EFCAB13: variants seen among roughly 807,000 people sequenced by gnomAD.
EFCAB13 encodes EF-hand calcium binding domain 13, also known as EF-hand calcium-binding domain-containing protein 13.
In EFCAB13, 91 loss-of-function variants were observed where a neutral mutation model predicts 110.2. That is an observed-to-expected ratio of 0.83 (90% CI 0.70 to 0.98). The LOEUF (loss-of-function observed/expected upper bound fraction) is 0.98. Among genes scored for constraint, EFCAB13 ranks in the 50% least tolerant of loss-of-function variants. The pLI is 0.00. For synonymous variants in EFCAB13, 323 were observed against 369.9 expected, an observed-to-expected ratio of 0.87 and a Z score of 1.45; for missense variants, 968 against 1,119.4, an observed-to-expected ratio of 0.86 and a Z score of 1.93.
chr17:47,412,296 T>C (rs2065840307), intron 21 of EFCAB13, among the ~76,000 whole-genome samples: 1 of 152,240 alleles, frequency 6.6e-6, no homozygotes, highest in Non-Finnish European at 1.5e-5. Flanking sequence ...CTGTGCTGGA[T>C]TGCAGTTGCC....
chr17:47,354,936 G>GT (rs1456957954), intron 9 of EFCAB13, among the ~76,000 whole-genome samples: 1 of 152,022 alleles, frequency 6.6e-6, no homozygotes, highest in Non-Finnish European at 1.5e-5. Context: ...AATATCTTGT[G>GT]TTTTTTTCTT....
In EFCAB13 at chr17:47,412,917, G is replaced by A. The variant is rs777877449; in HGVS notation, c.2422+1G>A. 26 of 1,603,104 alleles carry A rather than the reference G, an allele frequency of 1.6e-5. No homozygotes were observed. The African/African-American group carries it at 3.1e-4, about 19-fold the overall frequency. On this transcript the variant is annotated splice_donor_variant, in intron 22 of 24. Transcript: ENST00000331493. LOFTEE classifies it high-confidence loss of function. ...GCCCTTAACTGTTGTAACGTCAGTG[G>A]TGAGCATTTTTTTGGCCTGAGATTC...
chr17:47,354,098 A>G (rs1333003647), intron 9 of EFCAB13, among the ~76,000 whole-genome samples: 6 of 152,166 alleles, frequency 3.9e-5, no homozygotes, highest in African/African-American at 1.4e-4. Flanking sequence ...TTCAGTTCAA[A>G]GATTTTTTAA....
chr17:47,402,789 A>G (rs893278594), intron 18 of EFCAB13, among the ~76,000 whole-genome samples: 2 of 152,258 alleles, frequency 1.3e-5, no homozygotes, highest in Non-Finnish European at 1.5e-5. Flanking sequence ...ATCAGACAGT[A>G]ATCAATACTG....
At position 47,347,372 on chromosome 17, in the gene EFCAB13, CA is replaced by C. The variant is rs2065423352; in HGVS notation, c.518-435del. 3.9e-5 allele frequency among the ~76,000 whole-genome samples: 6 copies of C among 152,234 alleles called. No individual in the cohort carries two copies. In the South Asian group the frequency reaches 1.2e-3, roughly 32 times the overall value. Reference sequence around the variant, plus strand: ...GAACCAAAAAATTCAGTTCAATAGACATTTTTTTGAGAATTTCTTAATTAGG... The same window carrying C: ...GAACCAAAAAATTCAGTTCAATAGACTTTTTTTGAGAATTTCTTAATTAGG... On this transcript the variant is annotated intron_variant, in intron 8 of 24. Coordinates refer to ENST00000331493, the MANE Select transcript of EFCAB13 (RefSeq NM_152347.5).
At position 47,423,597 on chromosome 17, in the gene EFCAB13, G is replaced by C. The variant is rs1055340852; in HGVS notation, c.2495-6221G>C. ...CCTTTGTGCCCGGTCCTGGGAACCC[G>C]CGACGGCCGCCGCGCGCCCCGGTCC... On this transcript the variant is annotated intron_variant, in intron 23 of 24. Coordinates refer to ENST00000331493, the MANE Select transcript of EFCAB13 (RefSeq NM_152347.5). 1.4e-4 allele frequency: 49 copies of C among 340,970 alleles called. No homozygotes were observed. The East Asian group carries it at 2.1e-3, about 15-fold the overall frequency. 21.1% of individuals were successfully genotyped at this position (340,970 alleles called of 1,614,324 possible). A position where few individuals can be genotyped will look rare whatever the true frequency, so the allele number is the denominator to read the frequency against.
Position 47,379,298 on chromosome 17 carries a change from T to G in EFCAB13, c.1582+45T>G, listed in dbSNP as rs553297583. The G allele has an allele frequency of 4.7e-6, 7 of 1,476,678 alleles. 1 individual carries two copies. In the South Asian group the frequency reaches 7.9e-5, roughly 17 times the overall value. The allele number at this position is 1,476,678 out of a possible 1,614,324, so 91.5% of individuals were successfully genotyped here. A position where few individuals can be genotyped will look rare whatever the true frequency, so the allele number is the denominator to read the frequency against. ...TAAAATGATTTAGAGGGAAGAGCAG[T>G]GTGTTGAGAAGAATTAGGTTCAACA... is the stretch of plus-strand genomic sequence containing the variant. On this transcript the variant is annotated intron_variant, in intron 14 of 24. Coordinates refer to ENST00000331493, the MANE Select transcript of EFCAB13 (RefSeq NM_152347.5).
chr17:47,340,216 T>C (rs1835363522), intron 5 of EFCAB13: 1 of 152,110 alleles, frequency 6.6e-6, no homozygotes, highest in African/African-American at 2.4e-5. Context: ...TTACCTTTCT[T>C]TCTTTCTTGT....
At chr17:47,395,787 C>G (rs2065733879) in intron 16 of EFCAB13, 47 bp from the exon 17 acceptor site, 1 of 1,534,394 alleles carries the variant, frequency 6.5e-7, no homozygotes, top group African/African-American at 1.4e-5. Flanking sequence ...ACTGTATTAA[C>G]TTCTTGCATA....
rs538438550 is a variant in EFCAB13, at chr17:47,380,679, A to C, written c.1582+1426A>C. ...ACACTTCTTCCACAATGGTTGAATT[A>C]ATTTACATTCCCACCAACAGTGTAA... On this transcript the variant is annotated intron_variant, in intron 14 of 24. Transcript: ENST00000331493. Among the ~76,000 whole-genome samples, 4 of 152,288 alleles carry C rather than the reference A, an allele frequency of 2.6e-5. No individual in the cohort carries two copies. The East Asian group carries it at 5.8e-4, about 22-fold the overall frequency.
intron 23 of EFCAB13, among the ~76,000 whole-genome samples, chr17:47,424,669 C>G (rs1904866765): frequency 6.6e-6 from 1 of 151,946 alleles, no homozygotes; most frequent in Non-Finnish European, 1.5e-5. Flanking sequence ...CACATTATCA[C>G]GTAAACTTCA....
At chr17:47,329,414 G>T (rs1056873549) in intron 4 of EFCAB13, among the ~76,000 whole-genome samples, 2 of 152,106 alleles carry the variant, frequency 1.3e-5, no homozygotes, top group Non-Finnish European at 2.9e-5. Flanking sequence ...TGACGCTACT[G>T]TGTAAAACAT....
At chr17:47,404,777 C>G (rs916586271) in intron 20 of EFCAB13, 144 bp downstream of exon 20, 63 of 469,046 alleles carry the variant, frequency 1.3e-4, no homozygotes, top group Non-Finnish European at 3.7e-5. Flanking sequence ...TGAACACTTT[C>G]AGTTATGGGG....
chr17:47,411,651 T>C lies in EFCAB13; in HGVS notation c.2279-1122T>C, dbSNP rs547146936. The stretch of plus-strand genomic sequence containing the variant: ...AAAATAACTGTTAGTAGAATGAATG[T>C]AGGTCTAAGATGATATTATGGTGTT... On this transcript the variant is annotated intron_variant, in intron 21 of 24. Transcript: ENST00000331493. Among the ~76,000 whole-genome samples, 3 of 152,228 alleles carry C rather than the reference T, an allele frequency of 2.0e-5. No homozygotes were observed. The South Asian group carries it at 6.2e-4, about 31-fold the overall frequency.
At chr17:47,344,684 T>C (rs1387973176) in intron 7 of EFCAB13, among the ~76,000 whole-genome samples, 1 of 152,150 alleles carries the variant, frequency 6.6e-6, no homozygotes, top group Non-Finnish European at 1.5e-5. Flanking sequence ...TCTTTGGCTG[T>C]TTAAAGATGT....
intron 23 of EFCAB13, among the ~76,000 whole-genome samples, chr17:47,420,875 C>G (rs1203907071): frequency 6.6e-6 from 1 of 151,130 alleles, no homozygotes; most frequent in Non-Finnish European, 1.5e-5. Flanking sequence ...GGGGTCAGCC[C>G]CCCGCCCGGC....
In EFCAB13 at chr17:47,339,760, G is replaced by C. The variant is rs188540799; in HGVS notation, c.192-2161G>C. The C allele has an allele frequency of 6.6e-5, 10 of 150,530 alleles. No homozygotes were observed. In the East Asian group the frequency reaches 2.0e-3, roughly 29 times the overall value. The allele number at this position is 150,530 out of a possible 1,614,324, so 9.3% of individuals were successfully genotyped here. Reference sequence around the variant, plus strand: ...AGAAGAGGAAAAAGGAGAAATAAGAGAAAACCAAACAATAAGAAAGAAGAA... The same window carrying C: ...AGAAGAGGAAAAAGGAGAAATAAGACAAAACCAAACAATAAGAAAGAAGAA... On this transcript the variant is annotated intron_variant, in intron 5 of 24. Coordinates refer to ENST00000331493, the MANE Select transcript of EFCAB13 (RefSeq NM_152347.5).
chr17:47,406,702 C>A (rs1170001927), intron 20 of EFCAB13, among the ~76,000 whole-genome samples: 2 of 152,162 alleles, frequency 1.3e-5, no homozygotes, highest in African/African-American at 2.4e-5. Flanking sequence ...AGAACTAGAA[C>A]ATTATTCCAC....
intron 9 of EFCAB13, among the ~76,000 whole-genome samples, chr17:47,349,799 G>C (rs1485956834): frequency 8.6e-6 from 1 of 115,792 alleles, no homozygotes; most frequent in Admixed American, 1.2e-4. Flanking sequence ...ACGGAGTCTC[G>C]CTCTGTCGCC....
Sources: allele counts gnomAD v4.1 joint callset (sites outside exome capture counted in the v4.1 genomes callset), GRCh38; gene constraint gnomAD v4.1.1; transcripts MANE v1.5; gene names NCBI Gene and HGNC (gene_info 2026-07-23, HGNC 2026-07-21).